The following CDH12 variants were observed in gnomAD, a reference collection of about 807,000 sequenced individuals.
CDH12 encodes the protein cadherin-12.
A neutral mutation model predicts 74.1 loss-of-function variants in CDH12; 41 were observed. The ratio of observed to expected loss-of-function variants is 0.55; its 90% CI spans 0.43 to 0.72. The LOEUF is 0.72. Ranked by LOEUF, CDH12 falls within the 30% of genes least tolerant of loss-of-function variation. The pLI is 0.00. For missense variants in CDH12, 945 were observed against 977.2 expected (o/e 0.97, Z 0.44); for synonymous variants, 399 against 355.0 (o/e 1.12, Z -1.39).
At chr5:22,688,855 C>A (rs572246276) in intron 1 of CDH12, among the ~76,000 whole-genome samples, 3 of 152,242 alleles carry the variant, frequency 2.0e-5, no homozygotes, top group African/African-American at 7.2e-5. Context: ...AACTCTGTGA[C>A]TGAGAATCTC....
intron 5 of CDH12, among the ~76,000 whole-genome samples, chr5:22,028,878 T>C (rs1165863043): frequency 1.3e-5 from 2 of 152,142 alleles, no homozygotes; most frequent in Non-Finnish European, 2.9e-5. Context: ...AAGGCTACAG[T>C]AACCAAAACA....
intron 3 of CDH12, among the ~76,000 whole-genome samples, chr5:22,310,644 A>G (rs2150428026): frequency 6.6e-6 from 1 of 152,272 alleles, no homozygotes; most frequent in East Asian, 1.9e-4. Flanking sequence ...CCAAAAGAAA[A>G]AGCCAATTGG....
At chr5:22,753,608 G>A (rs1351201837) in intron 1 of CDH12, among the ~76,000 whole-genome samples, 1 of 149,776 alleles carries the variant, frequency 6.7e-6, no homozygotes, top group Non-Finnish European at 1.5e-5. Flanking sequence ...TAAATGGAAG[G>A]GGAAGAAGTA....
At chr5:22,786,563 C>A (rs923232880) in intron 1 of CDH12, among the ~76,000 whole-genome samples, 2 of 152,112 alleles carry the variant, frequency 1.3e-5, no homozygotes, top group African/African-American at 4.8e-5. Flanking sequence ...CACTCCCAGG[C>A]TTTTCTGGGT....
intron 6 of CDH12, among the ~76,000 whole-genome samples, chr5:21,873,404 T>C (rs1436221365): frequency 6.6e-6 from 1 of 152,188 alleles, no homozygotes; most frequent in African/African-American, 2.4e-5. Flanking sequence ...GAAAATTCTC[T>C]TGTACCCCCT....
At chr5:22,831,942 A>G (rs1457150060) in intron 1 of CDH12, among the ~76,000 whole-genome samples, 1 of 152,028 alleles carries the variant, frequency 6.6e-6, no homozygotes, top group Non-Finnish European at 1.5e-5. Flanking sequence ...GTAAATAGAA[A>G]TATTTTTGAA....
At chr5:22,666,459 T>G (rs1406643815) in intron 1 of CDH12, among the ~76,000 whole-genome samples, 1 of 151,754 alleles carries the variant, frequency 6.6e-6, no homozygotes, top group Non-Finnish European at 1.5e-5. Flanking sequence ...CCGGCTAATT[T>G]TTGTATTTTT....
intron 1 of CDH12, among the ~76,000 whole-genome samples, chr5:22,838,026 G>A (rs781199552): frequency 6.6e-6 from 1 of 152,136 alleles, no homozygotes; most frequent in Non-Finnish European, 1.5e-5. Flanking sequence ...AGGCAGAAGT[G>A]AAAAAATAAC....
At chr5:22,041,429 A>G (rs1739566579) in intron 5 of CDH12, among the ~76,000 whole-genome samples, 1 of 152,186 alleles carries the variant, frequency 6.6e-6, no homozygotes, top group Non-Finnish European at 1.5e-5. Flanking sequence ...TGCTGCCTAG[A>G]GGAGACCTAC....
chr5:21,767,862 A>G (rs1460624601), intron 11 of CDH12, among the ~76,000 whole-genome samples: 1 of 151,746 alleles, frequency 6.6e-6, no homozygotes. Flanking sequence ...TCAAATATGA[A>G]TTGAAATTTT....
chr5:21,784,658 CA>C (rs1368584301), intron 10 of CDH12, among the ~76,000 whole-genome samples: 1 of 152,162 alleles, frequency 6.6e-6, no homozygotes, highest in Admixed American at 6.6e-5. Flanking sequence ...TCATTTCAAA[CA>C]ATGGCTGAAA....
chr5:22,605,613 C>G (rs1173494400), intron 1 of CDH12, among the ~76,000 whole-genome samples: 1 of 152,198 alleles, frequency 6.6e-6, no homozygotes, highest in Non-Finnish European at 1.5e-5. Flanking sequence ...GGTCCAGGGT[C>G]TGCTGACCTC....
chr5:21,879,242 T>A (rs1312562579), intron 6 of CDH12, among the ~76,000 whole-genome samples: 1 of 152,170 alleles, frequency 6.6e-6, no homozygotes, highest in Non-Finnish European at 1.5e-5. Context: ...TGAAAACAAA[T>A]TAAAATATAT....
chr5:22,376,471 A>G (rs1334617093), intron 3 of CDH12, among the ~76,000 whole-genome samples: 1 of 152,176 alleles, frequency 6.6e-6, no homozygotes, highest in African/African-American at 2.4e-5. Context: ...TTTCTAACAC[A>G]AAGAAATGAC....
chr5:22,284,237 C>T (rs746912119), intron 3 of CDH12, among the ~76,000 whole-genome samples: 7 of 152,004 alleles, frequency 4.6e-5, no homozygotes, highest in Non-Finnish European at 1.0e-4. Context: ...GCATGAAAAA[C>T]CTTATGTATT....
chr5:22,702,505 C>T (rs115587943), intron 1 of CDH12, among the ~76,000 whole-genome samples: 2,487 of 152,136 alleles, frequency 0.016, 41 homozygotes, highest in Middle Eastern at 0.051. Flanking sequence ...CTAAGAAAGT[C>T]TCCTCTTCTC....
intron 1 of CDH12, among the ~76,000 whole-genome samples, chr5:22,849,525 G>C (rs776180174): frequency 6.6e-6 from 1 of 152,084 alleles, no homozygotes; most frequent in Non-Finnish European, 1.5e-5. Flanking sequence ...GTTTGACTAT[G>C]TATTTGGACT....
chr5:22,837,630 T>C (rs1581050061), intron 1 of CDH12, among the ~76,000 whole-genome samples: 1 of 152,200 alleles, frequency 6.6e-6, no homozygotes. Context: ...TACTTTTCAA[T>C]GTACATTCTG....
intron 1 of CDH12, among the ~76,000 whole-genome samples, chr5:22,539,771 A>G (rs2126717250): frequency 6.6e-6 from 1 of 152,324 alleles, no homozygotes; most frequent in East Asian, 1.9e-4. Context: ...ATCTGTAGAG[A>G]TGCCCTGCTT....
Sources: gnomAD v4.1 joint callset for allele counts (sites outside exome capture counted in the v4.1 genomes callset) on GRCh38, gnomAD v4.1.1 for gene constraint, MANE v1.5 for transcripts, NCBI Gene and HGNC (gene_info 2026-07-23, HGNC 2026-07-21) for gene names.